Variants in NKIRAS1 observed in about 807,000 individuals in gnomAD.
NKIRAS1 encodes NFKB inhibitor interacting Ras like 1.
Under a neutral mutation model 19.8 loss-of-function variants are expected in NKIRAS1, and 16 were observed. The observed-to-expected ratio is 0.81, with a 90% CI of 0.55 to 1.23. The LOEUF is 1.23. Among genes scored for constraint, NKIRAS1 ranks in the 50% most tolerant of loss-of-function variants. The probability of loss-of-function intolerance (pLI) is 0.00; values close to 1 mark genes in which losing one functional copy is unlikely to be tolerated. For missense variants in NKIRAS1, 184 were observed against 220.0 expected, an observed-to-expected ratio of 0.84 and a Z score of 1.04; for synonymous variants, 88 against 79.0, an observed-to-expected ratio of 1.11 and a Z score of -0.61.
intron 3 of NKIRAS1, among the ~76,000 whole-genome samples, chr3:23,910,335 T>C (rs1015270690): frequency 1.3e-5 from 2 of 151,816 alleles, no homozygotes; most frequent in Non-Finnish European, 2.9e-5. Context: ...GTTGTATTTT[T>C]AGTAGAGACA....
chr3:23,946,370 C>T lies in NKIRAS1; in HGVS notation c.-187G>A, dbSNP rs974307983. The T allele has an allele frequency of 5.6e-6, 5 of 887,062 alleles. No homozygotes were observed. In the African/African-American group the frequency reaches 7.2e-5, roughly 13 times the overall value. The allele number at this position is 887,062 out of a possible 1,614,324, so 54.9% of individuals were successfully genotyped here. A position where few individuals can be genotyped will look rare whatever the true frequency, so the allele number is the denominator to read the frequency against. The stretch of plus-strand genomic sequence containing the variant: ...TGCAGGACGAGGGCGTGCTGCAGGC[C>T]GGAGGAGGCGCCTCGGGGAAGGCGT... On this transcript the variant is annotated 5_prime_UTR_variant, in exon 1 of 5. Coordinates refer to the NKIRAS1 transcript ENST00000421515.
In NKIRAS1 at chr3:23,925,580, G is replaced by A. The variant is rs567813305; in HGVS notation, c.-139-14130C>T. Among the ~76,000 whole-genome samples, 22 of 152,260 alleles carry A rather than the reference G, an allele frequency of 1.4e-4. No individual in the cohort carries two copies. In the East Asian group the frequency reaches 4.1e-3, roughly 28 times the overall value. On this transcript the variant is annotated intron_variant, in intron 1 of 4. Transcript: ENST00000421515. Reference sequence around the variant, plus strand: ...GCTTGGGAAGTTGAAGCTGCGGTGAGCCAAGACTGCGCCACTGCACTTCAG... The same window carrying A: ...GCTTGGGAAGTTGAAGCTGCGGTGAACCAAGACTGCGCCACTGCACTTCAG...
chr3:23,900,035 G>A (rs138897839), intron 4 of NKIRAS1, among the ~76,000 whole-genome samples: 4 of 152,150 alleles, frequency 2.6e-5, no homozygotes, highest in East Asian at 1.9e-4. Flanking sequence ...GGTAGCACAC[G>A]CCTGTAGTCC....
At chr3:23,944,161 G>A (rs1306959836) in intron 1 of NKIRAS1, among the ~76,000 whole-genome samples, 1 of 152,202 alleles carries the variant, frequency 6.6e-6, no homozygotes, top group African/African-American at 2.4e-5. Flanking sequence ...GAGAATAAAA[G>A]GCTGTGAGAG....
chr3:23,909,598 A>C (rs74778404), intron 3 of NKIRAS1, among the ~76,000 whole-genome samples: 2,105 of 152,286 alleles, frequency 0.014, 57 homozygotes, highest in African/African-American at 0.048. Context: ...TACTTATCTA[A>C]CACAAACGTC....
At chr3:23,907,358 G>T (rs543311090) in intron 3 of NKIRAS1, among the ~76,000 whole-genome samples, 52 of 152,050 alleles carry the variant, frequency 3.4e-4, no homozygotes, top group African/African-American at 1.2e-3. Flanking sequence ...GTTTCTGGGG[G>T]GACAAAAATT....
In NKIRAS1 at chr3:23,892,478, C is replaced by A. The variant is rs8933; in HGVS notation, c.*617G>T. 30,037 of 151,976 alleles carry A rather than the reference C, an allele frequency of 0.2. 2,935 individuals are homozygous for A. The highest frequency in any genetic ancestry group is 0.2 in the Non-Finnish European group (13,902 of 67,964). 9.4% of individuals were successfully genotyped at this position (151,976 alleles called of 1,614,324 possible). A position where few individuals can be genotyped will look rare whatever the true frequency, so the allele number is the denominator to read the frequency against. On this transcript the variant is annotated 3_prime_UTR_variant, in exon 5 of 5. Coordinates refer to ENST00000425478, the MANE Select transcript of NKIRAS1 (RefSeq NM_020345.4). ...GGCTAAGGAAAAAACGGCCTTAGAG[C>A]GTGATGAACCTACTTAACACTACCT...
intron 1 of NKIRAS1, among the ~76,000 whole-genome samples, chr3:23,944,751 G>A (rs1339548253): frequency 6.9e-6 from 1 of 144,762 alleles, no homozygotes; most frequent in East Asian, 2.1e-4. Context: ...TATGAGATTG[G>A]ATAAAATCAC....
In NKIRAS1 at chr3:23,890,804, T is replaced by G. The variant is rs1701399267; in HGVS notation, c.*2291A>C. 1 of 446,084 alleles carries G rather than the reference T, an allele frequency of 2.2e-6. No individual in the cohort carries two copies. The highest frequency in any genetic ancestry group is 2.0e-5 in the African/African-American group (1 of 49,216). 27.6% of individuals were successfully genotyped at this position (446,084 alleles called of 1,614,324 possible). ...AGACAGAATTGGTAATAGCAACTTT[T>G]AAAATTGTCATTAGTTCTGCAATAT... On this transcript the variant is annotated 3_prime_UTR_variant, in exon 5 of 5. Transcript: ENST00000425478.
rs529115681 is a variant in NKIRAS1 at position 23,910,744 on chromosome 3, C to T, written c.94+67G>A. 266 of 1,148,498 alleles carry T rather than the reference C, an allele frequency of 2.3e-4. 4 individuals are homozygous for T. The South Asian group carries it at 3.0e-3, about 13-fold the overall frequency. 71.1% of individuals were successfully genotyped at this position (1,148,498 alleles called of 1,614,324 possible). On this transcript the variant is annotated intron_variant, in intron 3 of 4. Transcript: ENST00000425478. ...GTACCATCAACCACCTTTAGTTTAG[C>T]ATGACCAACAAAAGACCCCTGATAG...
In NKIRAS1 at chr3:23,891,430, A is replaced by ATTAG. The variant is rs961122880; in HGVS notation, c.*1661_*1664dup. On this transcript the variant is annotated 3_prime_UTR_variant, in exon 5 of 5. Transcript: ENST00000425478. ...TAAAAATAATGCATATTTAGTAGGTATTAGTTAGTTACCTATATTAGGATC... is the reference window on the plus strand; with the variant it reads ...TAAAAATAATGCATATTTAGTAGGTATTAGTTAGTTAGTTACCTATATTAGGATC... 4.6e-5 allele frequency: 7 copies of ATTAG among 152,234 alleles called. No individual in the cohort carries two copies. Among genetic ancestry groups the ATTAG allele is most frequent in the South Asian group, 2.1e-4 (1 of 4,834 alleles). 9.4% of individuals were successfully genotyped at this position (152,234 alleles called of 1,614,324 possible).
intron 3 of NKIRAS1, among the ~76,000 whole-genome samples, chr3:23,902,967 G>A (rs1402783061): frequency 2.0e-5 from 3 of 152,240 alleles, no homozygotes; most frequent in Non-Finnish European, 4.4e-5. Context: ...AGGGGAATCT[G>A]GAGAATCTGG....
chr3:23,918,027 G>C, upstream of NKIRAS1: 1 of 1,608,864 alleles, frequency 6.2e-7, no homozygotes, highest in Non-Finnish European at 8.5e-7. Context: ...ACAAGGCCAA[G>C]CAAGGTACGT....
chr3:23,918,979 AGAGGGAATGAT>A, upstream of NKIRAS1: 1 of 589,554 alleles, frequency 1.7e-6, no homozygotes, highest in East Asian at 2.8e-5. Context: ...TGGAGTATTA[AGAGGGAATGAT>A]GTGTTTCAGT....
chr3:23,946,169 C>G, intron 1 of NKIRAS1: 1 of 985,226 alleles, frequency 1.0e-6, no homozygotes, highest in Non-Finnish European at 1.2e-6. Context: ...CGCGCGTGCG[C>G]GCCCGCTGAG....
In NKIRAS1 at chr3:23,890,788, T is replaced by G; in HGVS notation, c.*2307A>C. 2.1e-6 allele frequency: 1 copy of G among 482,028 alleles called. No individual in the cohort carries two copies. The highest frequency in any genetic ancestry group is 3.5e-5 in the East Asian group (1 of 28,744). 29.9% of individuals were successfully genotyped at this position (482,028 alleles called of 1,614,324 possible). On this transcript the variant is annotated 3_prime_UTR_variant, in exon 5 of 5. Coordinates refer to ENST00000425478, the MANE Select transcript of NKIRAS1 (RefSeq NM_020345.4). ...GGTATCTTGCTACAGTAGACAGAAT[T>G]GGTAATAGCAACTTTTAAAATTGTC...
intron 1 of NKIRAS1, among the ~76,000 whole-genome samples, chr3:23,911,828 T>C (rs542613440): frequency 2.0e-5 from 3 of 147,308 alleles, no homozygotes; most frequent in Non-Finnish European, 3.0e-5. Context: ...AGTGATGAGA[T>C]TTCGGTTCAC....
intron 1 of NKIRAS1, among the ~76,000 whole-genome samples, chr3:23,934,288 A>G (rs966736076): frequency 2.0e-5 from 3 of 152,194 alleles, no homozygotes; most frequent in Non-Finnish European, 4.4e-5. Context: ...ACCCCCAAAC[A>G]AACCACTCCA....
At chr3:23,920,292 G>A (rs1426625910), upstream of NKIRAS1, 11 of 985,618 alleles carry the variant, frequency 1.1e-5, no homozygotes, top group African/African-American at 8.7e-5. Flanking sequence ...CTATAAGTAC[G>A]TCATTCTTAG....
Sources: allele counts gnomAD v4.1 joint callset (sites outside exome capture counted in the v4.1 genomes callset), GRCh38; gene constraint gnomAD v4.1.1; transcripts MANE v1.5; gene names NCBI Gene and HGNC (gene_info 2026-07-23, HGNC 2026-07-21).